TRIM5: variants seen among roughly 807,000 people sequenced by gnomAD.
The protein encoded by TRIM5 is tripartite motif-containing protein 5.
In TRIM5, 31 loss-of-function variants were observed where a neutral mutation model predicts 35.6. The observed-to-expected ratio is 0.87, with a 90% CI of 0.65 to 1.18. The LOEUF is 1.18. TRIM5 is among the 50% of genes most tolerant of loss of function. The pLI is 0.00. For synonymous variants in TRIM5, 243 were observed against 215.6 expected (o/e 1.13, Z -1.11); for missense variants, 609 against 591.6 (o/e 1.03, Z -0.31).
At chr11:5,679,679 G>C in intron 2 of TRIM5, 82 bp downstream of exon 2, 1 of 1,397,806 alleles carries the variant, frequency 7.2e-7, no homozygotes, top group Admixed American at 2.3e-5. Context: ...TCATGACAAG[G>C]CAGTTAATGT....
chr11:5,673,349 G>C (rs896039250), intron 4 of TRIM5, among the ~76,000 whole-genome samples: 1 of 152,090 alleles, frequency 6.6e-6, no homozygotes, highest in Non-Finnish European at 1.5e-5. Flanking sequence ...ATTTCATAAT[G>C]AAAGAAAGGT....
At chr11:5,657,980 G>A in the TRIM5 span, among the ~76,000 whole-genome samples, 1 of 151,936 alleles carries the variant, frequency 6.6e-6, no homozygotes, top group Non-Finnish European at 1.5e-5. Context: ...CTAATTATAT[G>A]AGAGGGGTGC....
downstream of TRIM5, chr11:5,663,064 G>T (rs895795899): frequency 2.7e-4 from 58 of 214,890 alleles, no homozygotes; most frequent in African/African-American, 1.3e-3. Flanking sequence ...GATGGAGGTT[G>T]CAGTGAGCCG....
the TRIM5 span, among the ~76,000 whole-genome samples, chr11:5,618,048 T>C: frequency 6.6e-6 from 1 of 152,198 alleles, no homozygotes; most frequent in Admixed American, 6.5e-5. Flanking sequence ...TAAATGTACT[T>C]TATTGGAATA....
At chr11:5,609,797 C>T in the TRIM5 span, among the ~76,000 whole-genome samples, 761 of 152,244 alleles carry the variant, frequency 5.0e-3, 6 homozygotes, top group African/African-American at 0.018. Flanking sequence ...GTGGCACGCG[C>T]CTGTAGTCCC....
the TRIM5 span, chr11:5,634,899 A>G: frequency 2.4e-5 from 38 of 1,594,528 alleles, no homozygotes; most frequent in Non-Finnish European, 3.3e-5. Context: ...CTGGGAACAC[A>G]GTTCCCTCCT....
At chr11:5,645,881 ATATATATAT>A in the TRIM5 span, 5 of 92,890 alleles carry the variant, frequency 5.4e-5, no homozygotes, top group East Asian at 2.2e-4. Flanking sequence ...AAAAAAAAAA[ATATATATAT>A]ATATATCTAT....
At chr11:5,602,032 C>T in the TRIM5 span, among the ~76,000 whole-genome samples, 27 of 152,272 alleles carry the variant, frequency 1.8e-4, 1 homozygote, top group South Asian at 1.0e-3. Flanking sequence ...ACCTATATGT[C>T]AGGCTCTATG....
chr11:5,629,896 T>G, the TRIM5 span, among the ~76,000 whole-genome samples: 1 of 152,054 alleles, frequency 6.6e-6, no homozygotes, highest in South Asian at 2.1e-4. Flanking sequence ...TTAGTAGAGA[T>G]GGGGTTTCAC....
At chr11:5,677,107 TC>T in intron 4 of TRIM5, among the ~76,000 whole-genome samples, 1 of 151,636 alleles carries the variant, frequency 6.6e-6, no homozygotes, top group Non-Finnish European at 1.5e-5. Context: ...ACAAATGGGA[TC>T]TAATTAAACT....
the TRIM5 span, chr11:5,610,671 G>T: frequency 6.4e-7 from 1 of 1,567,028 alleles, no homozygotes; most frequent in Non-Finnish European, 8.7e-7. Context: ...CCCCATCCCC[G>T]CCATATAGTT....
the TRIM5 span, among the ~76,000 whole-genome samples, chr11:5,621,458 T>C: frequency 6.6e-6 from 1 of 152,242 alleles, no homozygotes; most frequent in South Asian, 2.1e-4. Flanking sequence ...TGGAAATAGC[T>C]GCATATTCTT....
At chr11:5,602,131 T>A in the TRIM5 span, among the ~76,000 whole-genome samples, 8 of 152,152 alleles carry the variant, frequency 5.3e-5, no homozygotes, top group Non-Finnish European at 1.2e-4. Flanking sequence ...AGTAAAGATC[T>A]GTATTAAGTG....
At chr11:5,677,719 G>A (rs937303750) in intron 4 of TRIM5, among the ~76,000 whole-genome samples, 1 of 152,102 alleles carries the variant, frequency 6.6e-6, no homozygotes, top group Non-Finnish European at 1.5e-5. Context: ...GTGAGCCACC[G>A]CGCCCAGCCT....
At chr11:5,641,315 T>A in the TRIM5 span, 3 of 1,554,644 alleles carry the variant, frequency 1.9e-6, no homozygotes, top group Non-Finnish European at 2.6e-6. Context: ...TGTATCGTTA[T>A]CTTAAATTGC....
chr11:5,671,808 AT>A (rs1416405655), intron 4 of TRIM5, among the ~76,000 whole-genome samples: 4 of 67,548 alleles, frequency 5.9e-5, no homozygotes, highest in Non-Finnish European at 1.4e-4. Flanking sequence ...GTAGAAAAAA[AT>A]AATTGGGGAA....
chr11:5,626,423 T>G, the TRIM5 span, among the ~76,000 whole-genome samples: 1 of 152,232 alleles, frequency 6.6e-6, no homozygotes, highest in East Asian at 1.9e-4. Context: ...CTTGCAACTT[T>G]AAATAGTTTT....
At chr11:5,606,284 T>A in the TRIM5 span, among the ~76,000 whole-genome samples, 1 of 152,188 alleles carries the variant, frequency 6.6e-6, no homozygotes. Context: ...CTGGTCTGTA[T>A]GTGTGTAGGT....
the TRIM5 span, among the ~76,000 whole-genome samples, chr11:5,626,181 C>G: frequency 2.2e-4 from 33 of 152,328 alleles, no homozygotes; most frequent in Non-Finnish European, 4.0e-4. Flanking sequence ...CAAGACCCAA[C>G]ATATGGGATA....
Sources: gnomAD v4.1 joint callset for allele counts (sites outside exome capture counted in the v4.1 genomes callset) on GRCh38, gnomAD v4.1.1 for gene constraint, MANE v1.5 for transcripts, NCBI Gene and HGNC (gene_info 2026-07-23, HGNC 2026-07-21) for gene names.